Variants in MLLT3 observed in about 807,000 individuals in gnomAD.
The protein encoded by MLLT3 is MLLT3 super elongation complex subunit, also known as protein AF-9.
MLLT3 carries 4 observed loss-of-function variants against 53.2 expected under a neutral mutation model. The ratio of observed to expected loss-of-function variants is 0.08; its 90% confidence interval spans 0.04 to 0.17. The LOEUF is 0.17. Ranked by LOEUF, MLLT3 falls within the 10% of genes least tolerant of loss-of-function variation. MLLT3 has a pLI of 1.00. For missense variants in MLLT3, 569 were observed against 684.0 expected (o/e 0.83, Z 1.87); for synonymous variants, 283 against 230.6 (o/e 1.23, Z -2.06).
chr9:20,516,262 C>T (rs535048699), intron 2 of MLLT3, among the ~76,000 whole-genome samples: 4 of 152,350 alleles, frequency 2.6e-5, no homozygotes, highest in East Asian at 1.9e-4. Flanking sequence ...TCACAACCAG[C>T]ACAAACGATA....
chr9:20,354,034 A>G (rs189180281), intron 9 of MLLT3, among the ~76,000 whole-genome samples: 7 of 152,312 alleles, frequency 4.6e-5, no homozygotes, highest in Non-Finnish European at 1.0e-4. Context: ...AAGAATGTAC[A>G]TTACCAATTA....
rs1823772287 is a variant in MLLT3 at position 20,448,827 on chromosome 9, A to C, written c.277-561T>G. Among the ~76,000 whole-genome samples, 1 of 152,182 alleles carries C rather than the reference A, an allele frequency of 6.6e-6. No individual in the cohort carries two copies. Among genetic ancestry groups the C allele is most frequent in the Non-Finnish European group, 1.5e-5 (1 of 68,030 alleles). On this transcript the variant is annotated intron_variant, in intron 3 of 10. Coordinates refer to ENST00000380338, the MANE Select transcript of MLLT3 (RefSeq NM_004529.4). This position sits in a 1 kb window ranked among gnomAD's most constrained non-coding sequence, Gnocchi z 4.0. ...GCTTCCAATAGCCATTGGGCTAAAA[A>C]TCCTAATCTCACTTGAATGTCACAT... is the stretch of plus-strand genomic sequence containing the variant.
chr9:20,412,845 T>C (rs551901018), intron 5 of MLLT3, among the ~76,000 whole-genome samples: 1 of 152,316 alleles, frequency 6.6e-6, no homozygotes, highest in African/African-American at 2.4e-5. Flanking sequence ...TCAAATACTT[T>C]TGAATTAGTA....
chr9:20,601,655 T>C (rs2131198075), intron 2 of MLLT3, among the ~76,000 whole-genome samples: 1 of 152,222 alleles, frequency 6.6e-6, no homozygotes, highest in South Asian at 2.1e-4. Flanking sequence ...CAATATTGAG[T>C]GTCCTGAAAG....
intron 2 of MLLT3, among the ~76,000 whole-genome samples, chr9:20,556,810 G>C (rs1819069756): frequency 1.3e-5 from 2 of 151,872 alleles, no homozygotes; most frequent in African/African-American, 4.8e-5. Flanking sequence ...ATGGTGGCTG[G>C]TATGACAATG....
intron 8 of MLLT3, among the ~76,000 whole-genome samples, chr9:20,356,017 AT>A (rs1388252066): frequency 2.0e-5 from 3 of 152,174 alleles, no homozygotes; most frequent in African/African-American, 7.2e-5. Context: ...ATTATTTAAT[AT>A]TTTTGGACCG....
At chr9:20,481,627 AC>A (rs1158900819) in intron 2 of MLLT3, among the ~76,000 whole-genome samples, 1 of 151,244 alleles carries the variant, frequency 6.6e-6, no homozygotes, top group Non-Finnish European at 1.5e-5. Context: ...ACCCACTTCC[AC>A]CCCCATAGTA....
chr9:20,470,829 T>G lies in MLLT3; in HGVS notation c.194-14043A>C, dbSNP rs186566164. 9.1e-3 allele frequency among the ~76,000 whole-genome samples: 1,383 copies of G among 152,100 alleles called. 12 individuals carry two copies. The highest frequency in any genetic ancestry group is 0.013 in the Non-Finnish European group (888 of 67,874). Reference sequence around the variant, plus strand: ...AAATGATGCTTTATGTATAAATACATGCATTTGCTCTCACACATACCCCCT... The same window carrying G: ...AAATGATGCTTTATGTATAAATACAGGCATTTGCTCTCACACATACCCCCT... On this transcript the variant is annotated intron_variant, in intron 2 of 10. Transcript: ENST00000380338.
Position 20,622,297 on chromosome 9 carries a change from C to A in MLLT3, c.-41G>T, listed in dbSNP as rs753257309. On this transcript the variant is annotated 5_prime_UTR_variant, in exon 1 of 11. Transcript: ENST00000380338. ...GGTTTGCTGGGGTGTTGTGTGGTAC[C>A]CCCCCCTCCTCCGCCCCCCCTCAGC... 6.6e-7 allele frequency: 1 copy of A among 1,513,270 alleles called. No individual in the cohort carries two copies. Among genetic ancestry groups the A allele is most frequent in the Non-Finnish European group, 8.9e-7 (1 of 1,122,676 alleles). The allele number at this position is 1,513,270 out of a possible 1,614,324, so 93.7% of individuals were successfully genotyped here.
At chr9:20,358,167 A>G (rs1821220228) in intron 8 of MLLT3, among the ~76,000 whole-genome samples, 1 of 152,194 alleles carries the variant, frequency 6.6e-6, no homozygotes, top group African/African-American at 2.4e-5. Context: ...AAGGGATAGC[A>G]TCACACCTGA....
At chr9:20,472,949 A>G (rs1824431815) in intron 2 of MLLT3, among the ~76,000 whole-genome samples, 1 of 151,814 alleles carries the variant, frequency 6.6e-6, no homozygotes, top group South Asian at 2.1e-4. Context: ...CTAAGAGTCC[A>G]TTAGTTTAAT....
At chr9:20,571,762 T>C (rs758466076) in intron 2 of MLLT3, among the ~76,000 whole-genome samples, 5 of 152,104 alleles carry the variant, frequency 3.3e-5, no homozygotes, top group Non-Finnish European at 7.4e-5. Flanking sequence ...GGCCAACAGG[T>C]ATGTGAAAAA....
chr9:20,562,798 A>G (rs1156893120), intron 2 of MLLT3, among the ~76,000 whole-genome samples: 1 of 152,196 alleles, frequency 6.6e-6, no homozygotes, highest in Admixed American at 6.6e-5. Flanking sequence ...GACCAGAAAA[A>G]TGAAAGTGTT....
intron 2 of MLLT3, among the ~76,000 whole-genome samples, chr9:20,593,276 T>A (rs1377876982): frequency 6.6e-6 from 1 of 152,164 alleles, no homozygotes. Flanking sequence ...AATTAATGGG[T>A]GTGTTCACTT....
chr9:20,443,638 GAATA>G (rs1823609641), intron 4 of MLLT3, among the ~76,000 whole-genome samples: 1 of 152,130 alleles, frequency 6.6e-6, no homozygotes, highest in African/African-American at 2.4e-5. Flanking sequence ...GTTTTCCTGT[GAATA>G]AATATTGAGT....
At chr9:20,346,858 G>C (rs1204939443) in intron 10 of MLLT3, among the ~76,000 whole-genome samples, 1 of 152,024 alleles carries the variant, frequency 6.6e-6, no homozygotes, top group African/African-American at 2.4e-5. Flanking sequence ...CTGTGAGTGA[G>C]CAGTTAGGGG....
intron 4 of MLLT3, 90 bp from the exon 5 acceptor site, chr9:20,414,515 T>A: frequency 6.4e-7 from 1 of 1,564,534 alleles, no homozygotes; most frequent in Non-Finnish European, 8.6e-7. Flanking sequence ...CCTTCTTTGA[T>A]TCCTCTCAAG....
At chr9:20,594,599 C>T (rs1246522042) in intron 2 of MLLT3, among the ~76,000 whole-genome samples, 6 of 151,972 alleles carry the variant, frequency 3.9e-5, no homozygotes, top group African/African-American at 1.2e-4. Flanking sequence ...GTCTTAGTCA[C>T]AGGATAAGAC....
chr9:20,415,188 C>G (rs1028136538), intron 4 of MLLT3, among the ~76,000 whole-genome samples: 1 of 152,092 alleles, frequency 6.6e-6, no homozygotes. Context: ...AAAATTTCAT[C>G]AGTTAAGAAC....
Sources: allele counts gnomAD v4.1 joint callset (sites outside exome capture counted in the v4.1 genomes callset), GRCh38; gene constraint gnomAD v4.1.1; non-coding constraint Gnocchi (gnomAD v3.1); transcripts MANE v1.5; gene names NCBI Gene and HGNC (gene_info 2026-07-23, HGNC 2026-07-21).